KIRREL3: variants seen among roughly 807,000 people sequenced by gnomAD.
The protein encoded by KIRREL3 is kirre like nephrin family adhesion molecule 3.
A neutral mutation model predicts 89.7 loss-of-function variants in KIRREL3; 36 were observed. That is an observed-to-expected ratio of 0.40 (90% CI 0.31 to 0.53). KIRREL3 has a LOEUF of 0.53. KIRREL3 is among the 20% of genes least tolerant of loss of function. The pLI is 0.49. For missense variants in KIRREL3, 864 were observed against 1,056.6 expected, an observed-to-expected ratio of 0.82 and a Z score of 2.53; for synonymous variants, 445 against 441.4, an observed-to-expected ratio of 1.01 and a Z score of -0.10.
At chr11:126,524,556 G>T (rs1372707216) in intron 3 of KIRREL3, among the ~76,000 whole-genome samples, 1 of 152,200 alleles carries the variant, frequency 6.6e-6, no homozygotes, top group Non-Finnish European at 1.5e-5. Context: ...AAGTACCTGA[G>T]CTTCTTAGAA....
intron 15 of KIRREL3, among the ~76,000 whole-genome samples, chr11:126,426,146 T>C (rs1229730031): frequency 6.6e-6 from 1 of 152,230 alleles, no homozygotes; most frequent in Non-Finnish European, 1.5e-5. Context: ...GGAGATGGAC[T>C]TGTAGATAAA....
At chr11:126,826,537 G>A (rs4937191) in intron 1 of KIRREL3, among the ~76,000 whole-genome samples, 131,173 of 151,954 alleles carry the variant, frequency 0.86, 56,960 homozygotes, top group East Asian at 1. Context: ...TTCTGCTTTC[G>A]ACTTCCTCTC....
At position 126,508,698 on chromosome 11, in the gene KIRREL3, C is replaced by T. The variant is rs73633710; in HGVS notation, c.433+12617G>A. ...AGGGCCAGGGTTTCAGAGCCAGAAG[C>T]GACTGCATTCAGATTCTCGTTCTTT... is the stretch of plus-strand genomic sequence containing the variant. On this transcript the variant is annotated intron_variant, in intron 4 of 16. Coordinates refer to ENST00000525144, the MANE Select transcript of KIRREL3 (RefSeq NM_032531.4). This position sits in a 1 kb window ranked among gnomAD's most constrained non-coding sequence, Gnocchi z 4.9. Among the ~76,000 whole-genome samples, 3,420 of 152,232 alleles carry T rather than the reference C, an allele frequency of 0.022. 144 individuals carry two copies. Among genetic ancestry groups the T allele is most frequent in the African/African-American group, 0.077 (3,214 of 41,504 alleles).
At chr11:126,786,026 C>T (rs6590229) in intron 1 of KIRREL3, among the ~76,000 whole-genome samples, 44,739 of 151,730 alleles carry the variant, frequency 0.29, 7,145 homozygotes, top group African/African-American at 0.39. Context: ...CAACCTGTTC[C>T]AAGAAAATAA....
At position 126,955,980 on chromosome 11, in the gene KIRREL3, C is replaced by T. The variant is rs2135163029; in HGVS notation, c.55+44475G>A. Among the ~76,000 whole-genome samples, 1 of 152,300 alleles carries T rather than the reference C, an allele frequency of 6.6e-6. No homozygotes were observed. Among genetic ancestry groups the T allele is most frequent in the East Asian group, 1.9e-4 (1 of 5,186 alleles). ...GTTAAACGTTCTATGAAAAAAGGGA[C>T]AGGGAACAATGGGGCCATGTTGCCT... On this transcript the variant is annotated intron_variant, in intron 1 of 16. Coordinates refer to ENST00000525144, the MANE Select transcript of KIRREL3 (RefSeq NM_032531.4). This position sits in a 1 kb window ranked among gnomAD's most constrained non-coding sequence, Gnocchi z 4.6.
Position 126,830,829 on chromosome 11 carries a change from A to G in KIRREL3, c.55+169626T>C, listed in dbSNP as rs1943580094. Among the ~76,000 whole-genome samples, 1 of 152,218 alleles carries G rather than the reference A, an allele frequency of 6.6e-6. No individual in the cohort carries two copies. The highest frequency in any genetic ancestry group is 6.5e-5 in the Admixed American group (1 of 15,278). On this transcript the variant is annotated intron_variant, in intron 1 of 16. Transcript: ENST00000525144. The surrounding 1 kb of genome is among the most constrained non-coding windows in gnomAD (Gnocchi z 4.9). Reference sequence around the variant, plus strand: ...ATGACTACATCCTGGGCCTCCATGCATTTTGTAACCCCTGTTCCTTTATTA... The same window carrying G: ...ATGACTACATCCTGGGCCTCCATGCGTTTTGTAACCCCTGTTCCTTTATTA...
chr11:126,700,197 A>G (rs1947260754), intron 1 of KIRREL3, among the ~76,000 whole-genome samples: 1 of 149,784 alleles, frequency 6.7e-6, no homozygotes, highest in South Asian at 2.1e-4. Context: ...TTGTCACAAA[A>G]AAAAAAAAAA....
At chr11:126,922,100 T>TATCG (rs1282526865) in intron 1 of KIRREL3, among the ~76,000 whole-genome samples, 1 of 149,214 alleles carries the variant, frequency 6.7e-6, no homozygotes, top group African/African-American at 2.5e-5. Flanking sequence ...TATATCTATC[T>TATCG]ATCGATCTAT....
intron 1 of KIRREL3, among the ~76,000 whole-genome samples, chr11:126,947,536 A>G (rs1004817704): frequency 6.6e-6 from 1 of 152,256 alleles, no homozygotes; most frequent in African/African-American, 2.4e-5. Context: ...TTGATTTGAC[A>G]GCGTAGCTAA....
chr11:126,805,920 G>A lies in KIRREL3; in HGVS notation c.55+194535C>T, dbSNP rs1951189319. 1.3e-5 allele frequency among the ~76,000 whole-genome samples: 2 copies of A among 152,098 alleles called. No homozygotes were observed. The highest frequency in any genetic ancestry group is 2.1e-4 in the South Asian group (1 of 4,818). ...CCGTGCCATCCCCTCCACCTTCTCCGTGCGGCCTCTCCCTTGGCTGTCCTC... is the reference window on the plus strand; with the variant it reads ...CCGTGCCATCCCCTCCACCTTCTCCATGCGGCCTCTCCCTTGGCTGTCCTC... On this transcript the variant is annotated intron_variant, in intron 1 of 16. Coordinates refer to ENST00000525144, the MANE Select transcript of KIRREL3 (RefSeq NM_032531.4). The surrounding 1 kb of genome is among the most constrained non-coding windows in gnomAD (Gnocchi z 4.3).
chr11:126,922,181 C>T (rs1345824982), intron 1 of KIRREL3, among the ~76,000 whole-genome samples: 1 of 141,682 alleles, frequency 7.1e-6, no homozygotes, highest in African/African-American at 2.6e-5. Flanking sequence ...CTATCTCTAT[C>T]ATCTTTTGGT....
rs1017449785 is a variant in KIRREL3, at chr11:126,485,456, G to A, written c.434-11990C>T. On this transcript the variant is annotated intron_variant, in intron 4 of 16. Transcript: ENST00000525144. The surrounding 1 kb of genome is among the most constrained non-coding windows in gnomAD (Gnocchi z 5.8). ...AGTGCCTGGCTGGGCTTCTGGCTCC[G>A]TCATTCACTGGCCACGTGACCATGT... 6.6e-6 allele frequency among the ~76,000 whole-genome samples: 1 copy of A among 152,180 alleles called. No individual in the cohort carries two copies.
At position 126,748,867 on chromosome 11, in the gene KIRREL3, T is replaced by C. The variant is rs370186664; in HGVS notation, c.56-185955A>G. Among the ~76,000 whole-genome samples the C allele has an allele frequency of 2.0e-5, 3 of 152,212 alleles. No individual in the cohort carries two copies. The highest frequency in any genetic ancestry group is 2.9e-5 in the Non-Finnish European group (2 of 68,038). The stretch of plus-strand genomic sequence containing the variant: ...AAACGAGCTTCTTTGATTTACTCAG[T>C]GTATTTACCAAGCAATTTGCAAGAC... On this transcript the variant is annotated intron_variant, in intron 1 of 16. Coordinates refer to ENST00000525144, the MANE Select transcript of KIRREL3 (RefSeq NM_032531.4). The surrounding 1 kb of genome is among the most constrained non-coding windows in gnomAD (Gnocchi z 4.6).
intron 1 of KIRREL3, among the ~76,000 whole-genome samples, chr11:126,815,517 T>G (rs1951535186): frequency 6.6e-6 from 1 of 152,116 alleles, no homozygotes; most frequent in Non-Finnish European, 1.5e-5. Flanking sequence ...ATTTCATAAA[T>G]GTGAGCTATT....
Position 126,999,367 on chromosome 11 carries a change from C to T in KIRREL3, c.55+1088G>A, listed in dbSNP as rs945327932. Among the ~76,000 whole-genome samples the T allele has an allele frequency of 2.6e-4, 40 of 152,218 alleles. No homozygotes were observed. The highest frequency in any genetic ancestry group is 1.8e-4 in the Non-Finnish European group (12 of 68,040). On this transcript the variant is annotated intron_variant, in intron 1 of 16. Transcript: ENST00000525144. This position sits in a 1 kb window ranked among gnomAD's most constrained non-coding sequence, Gnocchi z 5.7. ...TTGCTTATATTTGGCTTCTCCCCGA[C>T]AGGGGAGAAACAGAAGACATGCTGT...
chr11:126,821,351 A>ATATATATATATGTATGTGTG (rs756545626), intron 1 of KIRREL3, among the ~76,000 whole-genome samples: 1 of 105,232 alleles, frequency 9.5e-6, no homozygotes, highest in South Asian at 3.4e-4. Context: ...ATATATATAT[A>ATATATATATATGTATGTGTG]TGTAACTTCC....
At chr11:126,556,510 G>T (rs539831852) in intron 2 of KIRREL3, among the ~76,000 whole-genome samples, 1 of 152,274 alleles carries the variant, frequency 6.6e-6, no homozygotes, top group East Asian at 1.9e-4. Flanking sequence ...GCATGGTGGT[G>T]CATGCTTGTT....
rs112404528 is a variant in KIRREL3, at chr11:126,639,802, G to T, written c.56-76890C>A. On this transcript the variant is annotated intron_variant, in intron 1 of 16. Transcript: ENST00000525144. The surrounding 1 kb of genome is among the most constrained non-coding windows in gnomAD (Gnocchi z 4.3). ...ATTCTTGTGAAATAGACACAAGAAG[G>T]AGCTAAACTCATTTCAGGTTTGACC... Among the ~76,000 whole-genome samples the T allele has an allele frequency of 1.5e-4, 23 of 152,186 alleles. No individual in the cohort carries two copies. Among genetic ancestry groups the T allele is most frequent in the Non-Finnish European group, 3.1e-4 (21 of 68,028 alleles).
rs4293130 is a variant in KIRREL3, at chr11:126,513,230, C to T, written c.433+8085G>A. 0.022 allele frequency among the ~76,000 whole-genome samples: 3,409 copies of T among 152,218 alleles called. 148 individuals carry two copies. The highest frequency in any genetic ancestry group is 0.077 in the African/African-American group (3,207 of 41,494). ...AAGAACCTCCCCAGCTTCCCTTGTCCTGGTGTTGGGAGCAAAAGATGCTGG... is the reference window on the plus strand; with the variant it reads ...AAGAACCTCCCCAGCTTCCCTTGTCTTGGTGTTGGGAGCAAAAGATGCTGG... On this transcript the variant is annotated intron_variant, in intron 4 of 16. Coordinates refer to ENST00000525144, the MANE Select transcript of KIRREL3 (RefSeq NM_032531.4). This position sits in a 1 kb window ranked among gnomAD's most constrained non-coding sequence, Gnocchi z 5.9.
Sources: gnomAD v4.1 joint callset for allele counts (sites outside exome capture counted in the v4.1 genomes callset) on GRCh38, gnomAD v4.1.1 for gene constraint, Gnocchi (gnomAD v3.1) non-coding constraint, MANE v1.5 for transcripts, NCBI Gene and HGNC (gene_info 2026-07-23, HGNC 2026-07-21) for gene names.